SPCS2: variants seen among roughly 807,000 people sequenced by gnomAD.
The protein encoded by SPCS2 is SPase 25 kDa subunit.
Under a neutral mutation model 22.3 loss-of-function variants are expected in SPCS2, and 3 were observed. The observed-to-expected ratio is 0.13, with a 90% confidence interval of 0.06 to 0.35. The LOEUF (loss-of-function observed/expected upper bound fraction) is 0.35, where lower values mean the gene tolerates loss of function less well. SPCS2 is among the 10% of genes least tolerant of loss of function. SPCS2 has a pLI of 1.00. For synonymous variants in SPCS2, 67 were observed against 97.2 expected, an observed-to-expected ratio of 0.69 and a Z score of 1.83; for missense variants, 169 against 280.9, an observed-to-expected ratio of 0.60 and a Z score of 2.85.
intron 4 of SPCS2, among the ~76,000 whole-genome samples, chr11:74,971,518 G>A (rs546242627): frequency 1.1e-4 from 16 of 152,140 alleles, no homozygotes; most frequent in African/African-American, 2.7e-4. Context: ...ACCAACTGCC[G>A]TATTGTTGGT....
At chr11:74,963,374 A>G (rs187133754) in intron 1 of SPCS2, among the ~76,000 whole-genome samples, 1 of 152,094 alleles carries the variant, frequency 6.6e-6, no homozygotes, top group African/African-American at 2.4e-5. Flanking sequence ...AAGTATGGCT[A>G]TTTTTAGCTC....
At chr11:74,966,928 A>C (rs1380794983) in intron 3 of SPCS2, among the ~76,000 whole-genome samples, 1 of 151,996 alleles carries the variant, frequency 6.6e-6, no homozygotes, top group East Asian at 1.9e-4. Context: ...CTAATTTTTA[A>C]ATTTTTTACA....
intron 4 of SPCS2, among the ~76,000 whole-genome samples, chr11:74,972,822 A>G (rs1223647877): frequency 1.3e-5 from 2 of 150,798 alleles, no homozygotes; most frequent in Admixed American, 6.6e-5. Context: ...TATAAAATCT[A>G]TCTCATTTCA....
rs745961822 is a variant in SPCS2, at chr11:74,977,787, A to T, written c.*744A>T. On this transcript the variant is annotated 3_prime_UTR_variant, in exon 5 of 5. Transcript: ENST00000263672. The stretch of plus-strand genomic sequence containing the variant: ...AGAGAACAGAGAAACAAGTGTTAAC[A>T]TCTTTCTACTATAGGTTTTTTTCAT... 36 of 152,654 alleles carry T rather than the reference A, an allele frequency of 2.4e-4. No homozygotes were observed. Among genetic ancestry groups the T allele is most frequent in the Non-Finnish European group, 4.0e-4 (27 of 68,040 alleles). The allele number at this position is 152,654 out of a possible 1,614,324, so 9.5% of individuals were successfully genotyped here. A position where few individuals can be genotyped will look rare whatever the true frequency, so the allele number is the denominator to read the frequency against.
intron 4 of SPCS2, among the ~76,000 whole-genome samples, chr11:74,973,636 C>T (rs943253511): frequency 1.3e-5 from 2 of 152,196 alleles, no homozygotes; most frequent in African/African-American, 4.8e-5. Flanking sequence ...CACTTCACTT[C>T]CTCCTTACCT....
At chr11:74,963,969 G>A (rs1246170574) in intron 1 of SPCS2, among the ~76,000 whole-genome samples, 5 of 152,230 alleles carry the variant, frequency 3.3e-5, no homozygotes, top group Non-Finnish European at 7.4e-5. Context: ...TTAAATACTT[G>A]CATTTGAGAA....
intron 3 of SPCS2, among the ~76,000 whole-genome samples, chr11:74,968,536 G>A (rs1948560874): frequency 1.4e-5 from 2 of 140,690 alleles, no homozygotes; most frequent in South Asian, 4.4e-4. Flanking sequence ...TTTTTTTTGA[G>A]ACAGAGTCTT....
intron 1 of SPCS2, 69 bp from the exon 2 acceptor site, chr11:74,964,965 A>C: frequency 9.6e-7 from 1 of 1,042,230 alleles, no homozygotes; most frequent in Non-Finnish European, 1.4e-6. Flanking sequence ...TGCTCTTAAA[A>C]AATGGTTCAT....
intron 1 of SPCS2, among the ~76,000 whole-genome samples, chr11:74,959,107 A>G (rs981282949): frequency 2.0e-5 from 3 of 152,148 alleles, no homozygotes; most frequent in African/African-American, 4.8e-5. Context: ...AAGGAGAGAA[A>G]AAGTTTATTT....
intron 4 of SPCS2, among the ~76,000 whole-genome samples, chr11:74,971,218 A>G (rs1054630104): frequency 9.9e-5 from 15 of 152,168 alleles, no homozygotes; most frequent in African/African-American, 2.2e-4. Flanking sequence ...ATTCCTTTCT[A>G]TGGTCAAGTA....
At position 74,965,912 on chromosome 11, in the gene SPCS2, G is replaced by T; in HGVS notation, c.348G>T (p.Leu116Phe). 6.2e-7 allele frequency: 1 copy of T among 1,609,734 alleles called. No individual in the cohort carries two copies. Among genetic ancestry groups the T allele is most frequent in the Non-Finnish European group, 8.5e-7 (1 of 1,178,740 alleles). Residue 116 changes from leucine (L) to phenylalanine (F), a missense_variant, in exon 3 of 5, where the codon TTG becomes TTT. Leu to Phe is a conservative substitution (Grantham distance 22). Coordinates refer to ENST00000263672, the MANE Select transcript of SPCS2 (RefSeq NM_014752.3). ...PFPESKPVLA[L>F]CVISYFVMMG... Reference sequence around the variant, plus strand: ...CAGAGTCCAAACCCGTTTTGGCTTTGTGTGTCATATCATATCCTTTATTTA... The same window carrying T: ...CAGAGTCCAAACCCGTTTTGGCTTTTTGTGTCATATCATATCCTTTATTTA...
At chr11:74,966,006 G>T in intron 3 of SPCS2, 83 bp downstream of exon 3, 2 of 1,312,504 alleles carry the variant, frequency 1.5e-6, no homozygotes, top group Non-Finnish European at 1.0e-6. Context: ...AAAACAAAAC[G>T]GACTTTCATA....
chr11:74,967,587 A>C (rs1948554451), intron 3 of SPCS2, among the ~76,000 whole-genome samples: 1 of 152,144 alleles, frequency 6.6e-6, no homozygotes, highest in East Asian at 1.9e-4. Flanking sequence ...TGTCACTACT[A>C]AAAATACAAA....
intron 1 of SPCS2, among the ~76,000 whole-genome samples, chr11:74,950,702 A>C (rs978929391): frequency 1.3e-5 from 2 of 152,036 alleles, no homozygotes; most frequent in African/African-American, 4.8e-5. Flanking sequence ...ATGCCTGACT[A>C]ATTTTTTTGC....
intron 4 of SPCS2, among the ~76,000 whole-genome samples, chr11:74,970,579 A>G (rs1326029986): frequency 6.6e-6 from 1 of 152,222 alleles, no homozygotes; most frequent in African/African-American, 2.4e-5. Context: ...AGGTACAATT[A>G]TTTATATATG....
chr11:74,976,503 T>A (rs1289175253), intron 4 of SPCS2, among the ~76,000 whole-genome samples: 2 of 152,178 alleles, frequency 1.3e-5, no homozygotes, highest in Non-Finnish European at 2.9e-5. Context: ...TAAGAACTTC[T>A]CAGGTGAGAT....
chr11:74,963,598 C>A, intron 1 of SPCS2: 1 of 439,056 alleles, frequency 2.3e-6, no homozygotes, highest in Non-Finnish European at 4.5e-6. Flanking sequence ...TTTTCAGAGA[C>A]AAGCTCTCAC....
chr11:74,955,343 A>G (rs1948471695), intron 1 of SPCS2, among the ~76,000 whole-genome samples: 1 of 152,248 alleles, frequency 6.6e-6, no homozygotes, highest in Admixed American at 6.5e-5. Context: ...TGATGAATGG[A>G]TAAATGCAAT....
intron 3 of SPCS2, among the ~76,000 whole-genome samples, chr11:74,967,554 A>C (rs1352920185): frequency 1.3e-5 from 2 of 152,202 alleles, no homozygotes; most frequent in Non-Finnish European, 2.9e-5. Flanking sequence ...GTTCAAGGCC[A>C]GCCTGAGCAA....
Sources: allele counts gnomAD v4.1 joint callset (sites outside exome capture counted in the v4.1 genomes callset), GRCh38; gene constraint gnomAD v4.1.1; transcripts MANE v1.5; gene names NCBI Gene and HGNC (gene_info 2026-07-23, HGNC 2026-07-21).